The following PPFIA4 variants were observed in gnomAD, a reference collection of about 807,000 sequenced individuals.
PPFIA4 encodes the protein liprin-alpha-4.
A neutral mutation model predicts 145.7 loss-of-function variants in PPFIA4; 98 were observed. The ratio of observed to expected loss-of-function variants is 0.67; its 90% CI spans 0.57 to 0.80. The LOEUF is 0.80. Among genes scored for constraint, PPFIA4 ranks in the 30% least tolerant of loss-of-function variants. The pLI is 0.00. For missense variants in PPFIA4, 1,457 were observed against 1,632.7 expected (o/e 0.89, Z 1.85); for synonymous variants, 628 against 649.6 (o/e 0.97, Z 0.51).
At chr1:203,052,362 G>C (rs1405617402) in intron 14 of PPFIA4, among the ~76,000 whole-genome samples, 1 of 152,124 alleles carries the variant, frequency 6.6e-6, no homozygotes, top group Non-Finnish European at 1.5e-5. Flanking sequence ...GGAGATTAGG[G>C]GAGAATGAGG....
At chr1:203,039,549 C>A (rs1442719586) in intron 2 of PPFIA4, among the ~76,000 whole-genome samples, 1 of 152,210 alleles carries the variant, frequency 6.6e-6, no homozygotes, top group Non-Finnish European at 1.5e-5. Context: ...CTGCGTACTC[C>A]TCTCCAGTGC....
At chr1:203,035,834 C>G (rs1198689779) in intron 1 of PPFIA4, among the ~76,000 whole-genome samples, 1 of 107,362 alleles carries the variant, frequency 9.3e-6, no homozygotes, top group Non-Finnish European at 2.1e-5. Flanking sequence ...AGGTCCTGGA[C>G]AGTCATCTCA....
chr1:203,059,600 T>A (rs1661219685), intron 20 of PPFIA4, among the ~76,000 whole-genome samples, 170 bp from the exon 21 acceptor site: 1 of 151,916 alleles, frequency 6.6e-6, no homozygotes. Flanking sequence ...TCCTGCCCCA[T>A]TTCTTGTTGT....
In PPFIA4 at chr1:203,049,732, C is replaced by G. The variant is rs761865919; in HGVS notation, c.1476C>G (p.Gly492=). The G allele has an allele frequency of 4.4e-6, 7 of 1,585,734 alleles. No individual in the cohort carries two copies. The East Asian group carries it at 1.4e-4, about 32-fold the overall frequency. The part of the protein sequence containing the change: ...KLRQEVDQLK[G]RGGPFVDGVH... ...GCCAAGAGGTGGACCAGCTGAAGGG[C>G]CGAGGGGGGCCGTTTGTGGATGGCG... Residue 492 remains glycine, a synonymous_variant, in exon 13 of 30, where the codon GGC becomes GGG. Coordinates refer to ENST00000295706, the MANE Select transcript of PPFIA4 (RefSeq NM_001304331.2).
In PPFIA4 at chr1:203,076,570, G is replaced by T; in HGVS notation, c.*180G>T. ...GCACCCCATTACCCCGAGTCCCACC[G>T]TGTGTCCGTTGTAAGTCCGGTGGAT... On this transcript the variant is annotated 3_prime_UTR_variant, in exon 30 of 30. Transcript: ENST00000295706. The T allele has an allele frequency of 1.6e-6, 1 of 627,600 alleles. No homozygotes were observed. The highest frequency in any genetic ancestry group is 2.8e-6 in the Non-Finnish European group (1 of 357,660). 38.9% of individuals were successfully genotyped at this position (627,600 alleles called of 1,614,324 possible). A position where few individuals can be genotyped will look rare whatever the true frequency, so the allele number is the denominator to read the frequency against.
chr1:203,043,785 C>G lies in PPFIA4; in HGVS notation c.337-146C>G. On this transcript the variant is annotated intron_variant, in intron 3 of 29. Coordinates refer to ENST00000295706, the MANE Select transcript of PPFIA4 (RefSeq NM_001304331.2). The surrounding 1 kb of genome is among the most constrained non-coding windows in gnomAD (Gnocchi z 4.4). ...AGTAGTATCAGTTGGGGCGGGAGCT[C>G]TGTGCCCATTTGGAAGTATTTCAGT... 3 of 873,054 alleles carry G rather than the reference C, an allele frequency of 3.4e-6. No individual in the cohort carries two copies. The highest frequency in any genetic ancestry group is 5.1e-6 in the Non-Finnish European group (3 of 584,958). The allele number at this position is 873,054 out of a possible 1,614,324, so 54.1% of individuals were successfully genotyped here.
At chr1:203,032,430 T>TTTTTTTTTTG (rs57892403) in intron 1 of PPFIA4, among the ~76,000 whole-genome samples, 25 of 139,396 alleles carry the variant, frequency 1.8e-4, no homozygotes, top group South Asian at 4.7e-4. Flanking sequence ...TCCCCGCTTT[T>TTTTTTTTTTG]TTGTTGTTGT....
intron 1 of PPFIA4, among the ~76,000 whole-genome samples, chr1:203,030,829 A>T (rs904409615): frequency 2.6e-5 from 4 of 152,138 alleles, no homozygotes; most frequent in African/African-American, 7.2e-5. Context: ...TGAATCCCAG[A>T]TGCTTATGCA....
rs75714690 is a variant in PPFIA4 at position 203,054,087 on chromosome 1, C to T, written c.1829+126C>T. The stretch of plus-strand genomic sequence containing the variant: ...AACTTAGAGTACCACAGTTCAGGGA[C>T]CCTCTGTGGGTCATCAGGCCCGCTG... On this transcript the variant is annotated intron_variant, in intron 15 of 29. Transcript: ENST00000295706. 1,140 of 1,120,898 alleles carry T rather than the reference C, an allele frequency of 1.0e-3. 14 individuals carry two copies. In the South Asian group the frequency reaches 0.012, roughly 12 times the overall value. The allele number at this position is 1,120,898 out of a possible 1,614,324, so 69.4% of individuals were successfully genotyped here. A position where few individuals can be genotyped will look rare whatever the true frequency, so the allele number is the denominator to read the frequency against.
At chr1:203,062,235 T>G (rs1301977541) in intron 24 of PPFIA4, among the ~76,000 whole-genome samples, 1 of 151,552 alleles carries the variant, frequency 6.6e-6, no homozygotes, top group Non-Finnish European at 1.5e-5. Flanking sequence ...CCCAGCACTT[T>G]GGGAGGCCGA....
chr1:203,037,963 A>G (rs1479876259), intron 1 of PPFIA4, among the ~76,000 whole-genome samples: 3 of 152,118 alleles, frequency 2.0e-5, no homozygotes, highest in Non-Finnish European at 2.9e-5. Flanking sequence ...GGAAATGGGG[A>G]ATGACTTGAG....
At chr1:203,033,072 T>G (rs1462160749) in intron 1 of PPFIA4, among the ~76,000 whole-genome samples, 1 of 152,164 alleles carries the variant, frequency 6.6e-6, no homozygotes, top group Non-Finnish European at 1.5e-5. Flanking sequence ...GGAGGCTGAG[T>G]GTATTCGGCA....
intron 2 of PPFIA4, among the ~76,000 whole-genome samples, chr1:203,039,497 C>T (rs12124118): frequency 1.3e-5 from 2 of 152,244 alleles, no homozygotes; most frequent in East Asian, 1.9e-4. Context: ...TGAGCTCAGG[C>T]GGCCAGTAGG....
Position 203,060,686 on chromosome 1 carries a change from T to G in PPFIA4, c.2784+269T>G, listed in dbSNP as rs902392988. Among the ~76,000 whole-genome samples, 2 of 152,240 alleles carry G rather than the reference T, an allele frequency of 1.3e-5. No homozygotes were observed. Among genetic ancestry groups the G allele is most frequent in the Non-Finnish European group, 2.9e-5 (2 of 68,042 alleles). ...AAAATTTCCACGTCTCTGGGCAGTT[T>G]CCAGGATGGGCTTTCTGGGGTTTTA... is the stretch of plus-strand genomic sequence containing the variant. On this transcript the variant is annotated intron_variant, in intron 22 of 29. Coordinates refer to ENST00000295706, the MANE Select transcript of PPFIA4 (RefSeq NM_001304331.2). This position sits in a 1 kb window ranked among gnomAD's most constrained non-coding sequence, Gnocchi z 4.8.
intron 28 of PPFIA4, among the ~76,000 whole-genome samples, chr1:203,073,897 CT>C (rs1264010956): frequency 6.6e-6 from 1 of 152,126 alleles, no homozygotes; most frequent in Non-Finnish European, 1.5e-5. Context: ...TCCTAACAAA[CT>C]CAGGAATGGG....
chr1:203,057,693 C>G (rs543492707), intron 19 of PPFIA4, among the ~76,000 whole-genome samples: 11 of 152,306 alleles, frequency 7.2e-5, no homozygotes, highest in African/African-American at 2.6e-4. Context: ...AGTTCAGTGT[C>G]TAATGAAAAG....
intron 1 of PPFIA4, among the ~76,000 whole-genome samples, chr1:203,035,048 A>T (rs1006326696): frequency 6.6e-6 from 1 of 152,244 alleles, no homozygotes; most frequent in Admixed American, 6.5e-5. Context: ...TGCTGGGCAC[A>T]TGGTAAATGT....
At chr1:203,065,518 C>A (rs959155200) in intron 25 of PPFIA4, among the ~76,000 whole-genome samples, 6 of 152,174 alleles carry the variant, frequency 3.9e-5, no homozygotes, top group African/African-American at 9.7e-5. Flanking sequence ...ATCCTCCCCG[C>A]AACCCCTCTG....
At position 203,071,695 on chromosome 1, in the gene PPFIA4, C is replaced by T. The variant is rs1294794323; in HGVS notation, c.3328C>T (p.Arg1110Cys). The change falls in exon 28 of 30, where the codon CGC becomes TGC. Residue 1110 changes from arginine (R) to cysteine (C), a missense_variant. This residue lies in a region of PPFIA4 where 848 missense variants were observed against 1,046.7 expected (regional missense o/e 0.81). Coordinates refer to ENST00000295706, the MANE Select transcript of PPFIA4 (RefSeq NM_001304331.2). ...LQIPTQNTQA[R>C]QVMEREFNNL... is the part of the protein sequence containing the mutation. ...TCTCCTGCTCTATGGACTGCAGGCA[C>T]GCCAAGTGATGGAAAGAGAGTTCAA... The T allele has an allele frequency of 1.4e-5, 23 of 1,611,012 alleles. No homozygotes were observed. The highest frequency in any genetic ancestry group is 2.2e-5 in the East Asian group (1 of 44,836).
Sources: gnomAD v4.1 joint callset for allele counts (sites outside exome capture counted in the v4.1 genomes callset) on GRCh38, gnomAD v4.1.1 for gene constraint, gnomAD v4.1.1 regional missense constraint, Gnocchi (gnomAD v3.1) non-coding constraint, MANE v1.5 for transcripts, NCBI Gene and HGNC (gene_info 2026-07-23, HGNC 2026-07-21) for gene names.